Variants in FUT9 observed in about 807,000 individuals in gnomAD.
The protein encoded by FUT9 is 4-galactosyl-N-acetylglucosaminide 3-alpha-L-fucosyltransferase 9.
Under a neutral mutation model 29.7 loss-of-function variants are expected in FUT9, and 15 were observed. The observed-to-expected ratio is 0.51, with a 90% CI of 0.34 to 0.78. The LOEUF (loss-of-function observed/expected upper bound fraction) is 0.78. FUT9 is among the 30% of genes least tolerant of loss of function. The pLI, the probability that FUT9 is intolerant of heterozygous loss-of-function variation, is 0.01. For synonymous variants in FUT9, 169 were observed against 153.7 expected (o/e 1.10, Z -0.74); for missense variants, 319 against 425.4 (o/e 0.75, Z 2.20).
intron 1 of FUT9, among the ~76,000 whole-genome samples, chr6:96,084,123 C>A (rs771023907): frequency 6.6e-6 from 1 of 151,926 alleles, no homozygotes; most frequent in African/African-American, 2.4e-5. Context: ...AACAAGAAGG[C>A]GCTTAGGAAC....
intron 1 of FUT9, among the ~76,000 whole-genome samples, chr6:96,065,787 A>G (rs1770952286): frequency 1.3e-5 from 2 of 152,168 alleles, no homozygotes; most frequent in Non-Finnish European, 2.9e-5. Flanking sequence ...TATGACATAA[A>G]TAACAAAATT....
At chr6:96,058,934 A>T (rs551216149) in intron 1 of FUT9, among the ~76,000 whole-genome samples, 7 of 152,326 alleles carry the variant, frequency 4.6e-5, no homozygotes, top group Non-Finnish European at 7.4e-5. Flanking sequence ...GGGACTAATG[A>T]TATGTTAAAC....
intron 2 of FUT9, among the ~76,000 whole-genome samples, chr6:96,186,473 T>C (rs971076425): frequency 2.6e-5 from 4 of 152,164 alleles, no homozygotes; most frequent in African/African-American, 9.7e-5. Context: ...GTCCCTGATA[T>C]GCACGATGGT....
rs573041569 is a variant in FUT9 at position 96,118,894 on chromosome 6, A to G, written c.-9+4767A>G. Among the ~76,000 whole-genome samples the G allele has an allele frequency of 2.4e-3, 362 of 152,278 alleles. 1 individual carries two copies. Among genetic ancestry groups the G allele is most frequent in the African/African-American group, 8.5e-3 (354 of 41,554 alleles). The stretch of plus-strand genomic sequence containing the variant: ...AAAAGGTAAAATAAAAAACAAAAAT[A>G]TTTAAAAATAGGAAAAAAGCTTATA... On this transcript the variant is annotated intron_variant, in intron 2 of 2. Coordinates refer to ENST00000302103, the MANE Select transcript of FUT9 (RefSeq NM_006581.4).
At chr6:96,195,141 T>C (rs1238294922) in intron 2 of FUT9, among the ~76,000 whole-genome samples, 1 of 152,170 alleles carries the variant, frequency 6.6e-6, no homozygotes, top group Non-Finnish European at 1.5e-5. Flanking sequence ...AAGCGGTAGT[T>C]GGCAGCTCTC....
Position 96,143,297 on chromosome 6 carries a change from T to A in FUT9, c.-9+29170T>A, listed in dbSNP as rs149659546. 3.6e-3 allele frequency among the ~76,000 whole-genome samples: 550 copies of A among 152,304 alleles called. 5 individuals carry two copies. The highest frequency in any genetic ancestry group is 5.6e-3 in the Non-Finnish European group (378 of 68,018). ...ATCTGTTGGCACCTTGATCTTGGAC[T>A]TCCCTGCTTCCAAAATAATGAGACA... On this transcript the variant is annotated intron_variant, in intron 2 of 2. Coordinates refer to ENST00000302103, the MANE Select transcript of FUT9 (RefSeq NM_006581.4).
chr6:96,100,662 A>G (rs193050348), intron 1 of FUT9, among the ~76,000 whole-genome samples: 1 of 152,164 alleles, frequency 6.6e-6, no homozygotes, highest in Non-Finnish European at 1.5e-5. Context: ...GATGATCGAT[A>G]AGCCAAGAAG....
chr6:96,186,421 C>G (rs1219679163), intron 2 of FUT9, among the ~76,000 whole-genome samples: 1 of 152,136 alleles, frequency 6.6e-6, no homozygotes, highest in Non-Finnish European at 1.5e-5. Context: ...TAAGGTAATA[C>G]TCTCTCTTTG....
chr6:96,044,815 A>G (rs539755395), intron 1 of FUT9, among the ~76,000 whole-genome samples: 1 of 152,330 alleles, frequency 6.6e-6, no homozygotes, highest in African/African-American at 2.4e-5. Context: ...TAGGTATGAG[A>G]GTACTGTATA....
intron 2 of FUT9, among the ~76,000 whole-genome samples, chr6:96,143,927 G>C (rs1242210605): frequency 6.6e-6 from 1 of 152,104 alleles, no homozygotes; most frequent in Non-Finnish European, 1.5e-5. Flanking sequence ...TTTACCACTT[G>C]GAAATAGGTA....
chr6:96,177,207 G>A (rs1242312829), intron 2 of FUT9, among the ~76,000 whole-genome samples: 1 of 152,008 alleles, frequency 6.6e-6, no homozygotes, highest in Admixed American at 6.6e-5. Context: ...AATTGAGTTT[G>A]TATCTTTTAC....
intron 2 of FUT9, among the ~76,000 whole-genome samples, chr6:96,135,629 G>GA (rs939064574): frequency 2.0e-5 from 3 of 151,420 alleles, no homozygotes; most frequent in Admixed American, 6.6e-5. Flanking sequence ...CCAGTTTCAG[G>GA]AAAAAAAAGG....
At chr6:96,045,682 G>A (rs945074683) in intron 1 of FUT9, among the ~76,000 whole-genome samples, 6 of 152,210 alleles carry the variant, frequency 3.9e-5, no homozygotes, top group African/African-American at 1.4e-4. Flanking sequence ...AGTTCCTGTA[G>A]AGAAAAGGGT....
chr6:96,090,738 A>G (rs935355743), intron 1 of FUT9, among the ~76,000 whole-genome samples: 7 of 151,970 alleles, frequency 4.6e-5, no homozygotes, highest in Non-Finnish European at 1.5e-5. Flanking sequence ...TTATTAAAAA[A>G]AAGTTACTAC....
rs573886688 is a variant in FUT9 at position 96,190,140 on chromosome 6, G to A, written c.-8-13008G>A. ...CTCTCAGCATTTGCTTGTCTATAAA[G>A]GATTTTATTTCTCCTTCACTTATGA... is the stretch of plus-strand genomic sequence containing the variant. On this transcript the variant is annotated intron_variant, in intron 2 of 2. Coordinates refer to ENST00000302103, the MANE Select transcript of FUT9 (RefSeq NM_006581.4). 5.9e-3 allele frequency among the ~76,000 whole-genome samples: 899 copies of A among 152,160 alleles called. 6 individuals are homozygous for A. Among genetic ancestry groups the A allele is most frequent in the African/African-American group, 0.021 (867 of 41,538 alleles).
At chr6:96,054,059 G>A (rs1376555571) in intron 1 of FUT9, among the ~76,000 whole-genome samples, 1 of 152,126 alleles carries the variant, frequency 6.6e-6, no homozygotes, top group African/African-American at 2.4e-5. Flanking sequence ...TGTTGTTGTG[G>A]TGAGTGAGAT....
chr6:96,111,755 C>A (rs976978321), intron 1 of FUT9, among the ~76,000 whole-genome samples: 2 of 152,110 alleles, frequency 1.3e-5, no homozygotes, highest in African/African-American at 4.8e-5. Context: ...CAAGAAAACA[C>A]TGGTACAATG....
chr6:96,138,940 T>C (rs1772410229), intron 2 of FUT9, among the ~76,000 whole-genome samples: 1 of 152,036 alleles, frequency 6.6e-6, no homozygotes, highest in African/African-American at 2.4e-5. Context: ...TTTGGAAAAA[T>C]ATATCAACTA....
intron 2 of FUT9, among the ~76,000 whole-genome samples, chr6:96,181,892 T>C (rs550651099): frequency 2.0e-5 from 3 of 152,230 alleles, no homozygotes; most frequent in South Asian, 2.1e-4. Flanking sequence ...TAAACATTCA[T>C]GTGCAAGTAT....
Sources: gnomAD v4.1 joint callset for allele counts (sites outside exome capture counted in the v4.1 genomes callset) on GRCh38, gnomAD v4.1.1 for gene constraint, MANE v1.5 for transcripts, NCBI Gene and HGNC (gene_info 2026-07-23, HGNC 2026-07-21) for gene names.